Variants in SGK2 observed in about 807,000 individuals in gnomAD.
The protein encoded by SGK2 is serine/threonine-protein kinase Sgk2.
A neutral mutation model predicts 47.5 loss-of-function variants in SGK2; 36 were observed. The observed-to-expected ratio is 0.76, with a 90% confidence interval of 0.58 to 1.00. The LOEUF (loss-of-function observed/expected upper bound fraction) is 1.00, where lower values mean the gene tolerates loss of function less well. SGK2 is among the 50% of genes least tolerant of loss of function. The probability of loss-of-function intolerance (pLI) is 0.00; values close to 1 mark genes in which losing one functional copy is unlikely to be tolerated. For synonymous variants in SGK2, 157 were observed against 181.9 expected (o/e 0.86, Z 1.10); for missense variants, 404 against 467.4 (o/e 0.86, Z 1.25).
chr20:43,582,135 C>T (rs1980834626), intron 12 of SGK2, among the ~76,000 whole-genome samples: 1 of 151,658 alleles, frequency 6.6e-6, no homozygotes, highest in Non-Finnish European at 1.5e-5. Flanking sequence ...GCAACCTCCA[C>T]CTCCTGGGGT....
At chr20:43,568,757 T>C (rs906982444) in intron 5 of SGK2, among the ~76,000 whole-genome samples, 3 of 152,318 alleles carry the variant, frequency 2.0e-5, no homozygotes, top group Admixed American at 6.5e-5. Flanking sequence ...AGGCATGAGC[T>C]ACCACACTCA....
At chr20:43,563,507 G>A (rs1182307972) in intron 1 of SGK2, among the ~76,000 whole-genome samples, 1 of 152,198 alleles carries the variant, frequency 6.6e-6, no homozygotes, top group African/African-American at 2.4e-5. Flanking sequence ...AGCCCATTTG[G>A]AACGGGCTCA....
intron 1 of SGK2, chr20:43,565,342 G>C (rs1056444457): frequency 5.2e-5 from 8 of 152,474 alleles, no homozygotes; most frequent in African/African-American, 1.9e-4. Context: ...GGTCAGCCCA[G>C]GAGAGGGTGT....
chr20:43,568,630 C>T (rs918695818), intron 5 of SGK2, among the ~76,000 whole-genome samples: 4 of 152,194 alleles, frequency 2.6e-5, no homozygotes, highest in African/African-American at 9.6e-5. Context: ...TAAAGGCACC[C>T]GCCACCACTC....
chr20:43,582,370 A>G (rs1462468102), intron 12 of SGK2, among the ~76,000 whole-genome samples: 2 of 148,920 alleles, frequency 1.3e-5, no homozygotes, highest in Non-Finnish European at 3.0e-5. Flanking sequence ...TTTTATTTTC[A>G]TTTTTATTTT....
At chr20:43,567,014 A>G (rs908205030) in intron 2 of SGK2, 54 bp from the exon 3 acceptor site, 29 of 1,449,090 alleles carry the variant, frequency 2.0e-5, no homozygotes, top group Non-Finnish European at 2.5e-5. Context: ...GCCAGGAGAA[A>G]GGGAGGTAGC....
intron 11 of SGK2, among the ~76,000 whole-genome samples, chr20:43,576,882 C>T (rs1980492142): frequency 6.6e-6 from 1 of 152,206 alleles, no homozygotes. Context: ...GCGGAGGTTG[C>T]AGTGATCTGA....
chr20:43,583,803 T>A (rs368496838), intron 12 of SGK2: 17 of 171,256 alleles, frequency 9.9e-5, no homozygotes, highest in East Asian at 7.6e-4. Context: ...ACCCCCATCT[T>A]TATAGAAAAA....
At chr20:43,581,117 C>T (rs1283853379) in intron 12 of SGK2, among the ~76,000 whole-genome samples, 4 of 152,012 alleles carry the variant, frequency 2.6e-5, no homozygotes, top group Non-Finnish European at 5.9e-5. Flanking sequence ...CCTCGTGATC[C>T]GCCCGCCTCG....
intron 5 of SGK2, 121 bp from the exon 6 acceptor site, chr20:43,569,264 G>T (rs3752559): frequency 0.034 from 44,105 of 1,281,980 alleles, 2,323 homozygotes; most frequent in African/African-American, 0.22. Flanking sequence ...GGGTGTTTGA[G>T]CAGGGGCATG....
intron 12 of SGK2, chr20:43,583,762 A>G (rs901527868): frequency 1.3e-5 from 3 of 236,972 alleles, no homozygotes; most frequent in Non-Finnish European, 2.1e-5. Context: ...TGAGGCCAGG[A>G]GTTCAAGACC....
chr20:43,579,763 G>A (rs956470029), intron 11 of SGK2, among the ~76,000 whole-genome samples: 10 of 152,160 alleles, frequency 6.6e-5, no homozygotes, highest in Admixed American at 2.0e-4. Context: ...ATAAACAGAT[G>A]CTGTAGTGGG....
chr20:43,578,826 C>CT (rs1980619578), intron 11 of SGK2, among the ~76,000 whole-genome samples: 1 of 152,122 alleles, frequency 6.6e-6, no homozygotes, highest in Non-Finnish European at 1.5e-5. Context: ...GTGAAGATGT[C>CT]TCCTGTTCCA....
chr20:43,571,412 T>C (rs1568667460), intron 8 of SGK2, among the ~76,000 whole-genome samples: 2 of 152,036 alleles, frequency 1.3e-5, no homozygotes, highest in African/African-American at 4.8e-5. Flanking sequence ...ATAACACTTT[T>C]AAAGGGGTAA....
chr20:43,560,739 TTTGG>T (rs1400387836), intron 1 of SGK2, among the ~76,000 whole-genome samples: 15 of 152,336 alleles, frequency 9.8e-5, no homozygotes, highest in Non-Finnish European at 1.8e-4. Context: ...TTATATAGTT[TTTGG>T]TTGTGTAATT....
In SGK2 at chr20:43,566,470, C is replaced by A. The variant is rs755285148; in HGVS notation, c.-23-3C>A. Reference sequence around the variant, plus strand: ...TCATGCCTGCTCCTCCCTGTCCCCCCAGAGCTGCCTGATCATTGCTACAGA... The same window carrying A: ...TCATGCCTGCTCCTCCCTGTCCCCCAAGAGCTGCCTGATCATTGCTACAGA... On this transcript the variant is annotated splice_polypyrimidine_tract_variant and splice_region_variant and intron_variant, in intron 1 of 12. Transcript: ENST00000373100. 20 of 1,613,992 alleles carry A rather than the reference C, an allele frequency of 1.2e-5. No individual in the cohort carries two copies. In the Admixed American group the frequency reaches 1.7e-4, roughly 13 times the overall value.
chr20:43,570,967 A>G (rs1980074627), intron 7 of SGK2, 57 bp from the exon 8 acceptor site: 7 of 1,611,170 alleles, frequency 4.3e-6, no homozygotes, highest in African/African-American at 2.7e-5. Context: ...CAGGTCTCCA[A>G]CTCTCCTCAC....
intron 11 of SGK2, 31 bp downstream of exon 11, chr20:43,576,410 C>T (rs768093769): frequency 8.7e-6 from 14 of 1,602,762 alleles, no homozygotes; most frequent in Non-Finnish European, 1.1e-5. Context: ...GCACTGGCCC[C>T]CATGGGGCTC....
In SGK2 at chr20:43,569,444, C is replaced by G. The variant is rs138249556; in HGVS notation, c.288C>G (p.Leu96=). Residue 96 remains leucine, a synonymous_variant, in exon 6 of 13, where the codon CTC becomes CTG. Transcript: ENST00000373100. ...VLLKNVRHPF[L]VGLRYSFQTP... is the part of the protein sequence containing the mutation. The stretch of plus-strand genomic sequence containing the variant: ...TGAAGAACGTGCGGCACCCCTTCCT[C>G]GTGGGCCTGCGCTACTCCTTCCAGA... The G allele has an allele frequency of 6.2e-7, 1 of 1,613,936 alleles. No homozygotes were observed. Among genetic ancestry groups the G allele is most frequent in the Middle Eastern group, 1.7e-4 (1 of 6,060 alleles).
Sources: allele counts gnomAD v4.1 joint callset (sites outside exome capture counted in the v4.1 genomes callset), GRCh38; gene constraint gnomAD v4.1.1; transcripts MANE v1.5; gene names NCBI Gene and HGNC (gene_info 2026-07-23, HGNC 2026-07-21).